CEP76: variants seen among roughly 807,000 people sequenced by gnomAD.
CEP76 encodes centrosomal protein 76.
Under a neutral mutation model 83.3 loss-of-function variants are expected in CEP76, and 55 were observed. The observed-to-expected ratio is 0.66, with a 90% CI of 0.53 to 0.83. The LOEUF (loss-of-function observed/expected upper bound fraction) is 0.83. Ranked by LOEUF, CEP76 falls within the 40% of genes least tolerant of loss-of-function variation. The pLI is 0.00. For synonymous variants in CEP76, 270 were observed against 274.5 expected, an observed-to-expected ratio of 0.98 and a Z score of 0.16; for missense variants, 694 against 799.5, an observed-to-expected ratio of 0.87 and a Z score of 1.59.
chr18:12,666,761 A>T (rs560744641), intron 12 of CEP76, among the ~76,000 whole-genome samples: 1 of 152,124 alleles, frequency 6.6e-6, no homozygotes, highest in East Asian at 1.9e-4. Flanking sequence ...AAAAAAAAAA[A>T]CTTTTGAATT....
chr18:12,669,138 A>G (rs1470959531), downstream of CEP76, among the ~76,000 whole-genome samples: 1 of 139,520 alleles, frequency 7.2e-6, no homozygotes, highest in African/African-American at 2.7e-5. Context: ...TTTTTGAGAC[A>G]GAGTTTCACT....
In CEP76 at chr18:12,686,255, A is replaced by T. The variant is rs1240084098; in HGVS notation, c.1122+7T>A. 3 of 1,608,752 alleles carry T rather than the reference A, an allele frequency of 1.9e-6. 1 individual carries two copies. The South Asian group carries it at 3.3e-5, about 18-fold the overall frequency. ...TGCTACTTAATTCTATTATGTGTGTATAATACCTTGTTTCTACAGAGAAAG... is the reference window on the plus strand; with the variant it reads ...TGCTACTTAATTCTATTATGTGTGTTTAATACCTTGTTTCTACAGAGAAAG... On this transcript the variant is annotated splice_region_variant and intron_variant, in intron 8 of 11. Coordinates refer to ENST00000262127, the MANE Select transcript of CEP76 (RefSeq NM_024899.4).
chr18:12,686,484 T>C (rs2039543990), intron 7 of CEP76, 34 bp from the exon 8 acceptor site: 3 of 1,435,742 alleles, frequency 2.1e-6, no homozygotes, highest in Non-Finnish European at 2.9e-6. Flanking sequence ...TGTAATGACA[T>C]ATTAATCATC....
chr18:12,667,797 AT>A (rs1227149575), downstream of CEP76, among the ~76,000 whole-genome samples: 4 of 150,264 alleles, frequency 2.7e-5, no homozygotes, highest in Admixed American at 2.7e-4. Flanking sequence ...AGAAAATATA[AT>A]ATTCACTTAA....
At chr18:12,694,967 G>A (rs185790932) in intron 6 of CEP76, among the ~76,000 whole-genome samples, 6 of 151,712 alleles carry the variant, frequency 4.0e-5, no homozygotes, top group African/African-American at 2.4e-5. Flanking sequence ...CGCCCGCCTC[G>A]GCCTCCCAAA....
chr18:12,668,213 T>C (rs1021497032), downstream of CEP76, among the ~76,000 whole-genome samples: 1 of 151,892 alleles, frequency 6.6e-6, no homozygotes, highest in Non-Finnish European at 1.5e-5. Context: ...TGCATTGATC[T>C]GAGATTGCAC....
chr18:12,672,260 G>A (rs761979509), downstream of CEP76, among the ~76,000 whole-genome samples: 4 of 151,858 alleles, frequency 2.6e-5, no homozygotes, highest in Non-Finnish European at 5.9e-5. Flanking sequence ...GATTACAGGT[G>A]TGAGCCACCG....
downstream of CEP76, among the ~76,000 whole-genome samples, chr18:12,671,393 C>T (rs2038938176): frequency 6.6e-6 from 1 of 151,842 alleles, no homozygotes; most frequent in Non-Finnish European, 1.5e-5. Context: ...ATGGATAAAG[C>T]AACTAAATTA....
intron 2 of CEP76, 168 bp from the exon 3 acceptor site, chr18:12,700,073 A>G: frequency 2.3e-6 from 1 of 432,176 alleles, no homozygotes; most frequent in East Asian, 3.6e-5. Flanking sequence ...AAAAGCCTGC[A>G]TAAAAGATGA....
At chr18:12,697,471 A>T in intron 4 of CEP76, 63 bp from the exon 5 acceptor site, 6 of 1,075,272 alleles carry the variant, frequency 5.6e-6, no homozygotes, top group Non-Finnish European at 8.0e-6. Flanking sequence ...AACATAAAAG[A>T]ATACTTTTAT....
rs1359343187 is a variant in CEP76 at position 12,698,982 on chromosome 18, A to C, written c.517T>G (p.Leu173Val). 12 of 1,600,578 alleles carry C rather than the reference A, an allele frequency of 7.5e-6. No homozygotes were observed. Among genetic ancestry groups the C allele is most frequent in the Non-Finnish European group, 1.0e-5 (12 of 1,170,384 alleles). Residue 173 changes from leucine to valine, a missense_variant, in exon 4 of 12, where the codon TTG becomes GTG. Physicochemically the swap from Leu to Val is conservative, Grantham distance 32. Coordinates refer to ENST00000262127, the MANE Select transcript of CEP76 (RefSeq NM_024899.4). ...ACAATTTATTACTGTTTCTTACCCA[A>C]GCTTTCTCTGTGTACTTCAAGTAAA... ...GFLLEVHRES[L>V]GDGTRMADST...
chr18:12,681,057 G>A (rs1416705895), intron 8 of CEP76, among the ~76,000 whole-genome samples: 1 of 151,724 alleles, frequency 6.6e-6, no homozygotes, highest in Admixed American at 6.6e-5. Flanking sequence ...AAATTAGCCG[G>A]GTGTGGTAGC....
At chr18:12,684,010 T>C (rs2039450614) in intron 8 of CEP76, among the ~76,000 whole-genome samples, 1 of 150,468 alleles carries the variant, frequency 6.6e-6, no homozygotes, top group Admixed American at 6.7e-5. Context: ...ATATATCATA[T>C]ATATGATATC....
chr18:12,695,851 TCCACAC>T (rs2039935562), intron 5 of CEP76, among the ~76,000 whole-genome samples: 1 of 110,578 alleles, frequency 9.0e-6, no homozygotes, highest in African/African-American at 3.9e-5. Flanking sequence ...TCATTCCTTC[TCCACAC>T]ACACACACAC....
At chr18:12,702,427 G>A in intron 1 of CEP76, 59 bp downstream of exon 1, 1 of 1,351,132 alleles carries the variant, frequency 7.4e-7, no homozygotes. Flanking sequence ...GGGCCGCCGG[G>A]CAGGAGGGAA....
chr18:12,697,273 A>G lies in CEP76; in HGVS notation c.656T>C (p.Leu219Ser). 6.2e-7 allele frequency: 1 copy of G among 1,613,942 alleles called. No individual in the cohort carries two copies. Among genetic ancestry groups the G allele is most frequent in the Non-Finnish European group, 8.5e-7 (1 of 1,179,874 alleles). ...ASYFLEWRSV[L>S]GSENGVTSLT... ...ACTGGTCACTCCATTTTCTGAGCCC[A>G]AAACCGATCGCCATTCCAGAAAATA... Residue 219 changes from leucine to serine, a missense_variant, in exon 5 of 12, where the codon TTG (leucine) becomes TCG (serine). Physicochemically the swap from Leu to Ser is moderately radical, Grantham distance 145. Transcript: ENST00000262127.
intron 4 of CEP76, among the ~76,000 whole-genome samples, chr18:12,697,793 T>A (rs2040007869): frequency 6.6e-6 from 1 of 151,994 alleles, no homozygotes; most frequent in Middle Eastern, 3.2e-3. Flanking sequence ...TATCACTGTA[T>A]AATTGACATA....
At chr18:12,695,143 G>A (rs1163996241) in intron 6 of CEP76, 111 bp downstream of exon 6, 1 of 473,870 alleles carries the variant, frequency 2.1e-6, no homozygotes, top group Non-Finnish European at 3.8e-6. Flanking sequence ...TGCTAATCTA[G>A]AAAGTAATAA....
chr18:12,677,458 CAAAAAA>C (rs71174127), intron 10 of CEP76, among the ~76,000 whole-genome samples: 22 of 53,940 alleles, frequency 4.1e-4, no homozygotes, highest in African/African-American at 8.3e-4. Context: ...GATTCCATCT[CAAAAAA>C]AAAAAAAAAA....
Sources: allele counts gnomAD v4.1 joint callset (sites outside exome capture counted in the v4.1 genomes callset), GRCh38; gene constraint gnomAD v4.1.1; transcripts MANE v1.5; gene names NCBI Gene and HGNC (gene_info 2026-07-23, HGNC 2026-07-21).